The following PAPSS1 variants were observed in gnomAD, a reference collection of about 807,000 sequenced individuals.
PAPSS1 encodes bifunctional 3'-phosphoadenosine 5'-phosphosulfate synthase 1.
In PAPSS1, 50 loss-of-function variants were observed where a neutral mutation model predicts 72.0. That is an observed-to-expected ratio of 0.69 (90% CI 0.55 to 0.88). The LOEUF (loss-of-function observed/expected upper bound fraction) is 0.88, where lower values mean the gene tolerates loss of function less well. Among genes scored for constraint, PAPSS1 ranks in the 40% least tolerant of loss-of-function variants. The pLI, the probability that PAPSS1 is intolerant of heterozygous loss-of-function variation, is 0.00. For missense variants in PAPSS1, 657 were observed against 782.2 expected (o/e 0.84, Z 1.91); for synonymous variants, 261 against 263.6 (o/e 0.99, Z 0.09).
chr4:107,656,268 A>T (rs1035547621), intron 7 of PAPSS1, among the ~76,000 whole-genome samples: 4 of 151,892 alleles, frequency 2.6e-5, no homozygotes, highest in African/African-American at 9.7e-5. Flanking sequence ...GGCACACACC[A>T]CCACACCTAG....
intron 9 of PAPSS1, among the ~76,000 whole-genome samples, chr4:107,651,769 T>G (rs933372421): frequency 1.7e-4 from 26 of 152,164 alleles, no homozygotes; most frequent in Non-Finnish European, 1.5e-5. Context: ...AGATGAGATT[T>G]GGGAGGACAC....
At chr4:107,637,812 TA>T (rs1452278660) in intron 10 of PAPSS1, among the ~76,000 whole-genome samples, 1 of 152,236 alleles carries the variant, frequency 6.6e-6, no homozygotes, top group African/African-American at 2.4e-5. Flanking sequence ...GTTAATGCTA[TA>T]AAAATTCTTT....
chr4:107,621,747 AG>A (rs2110296420), intron 11 of PAPSS1, among the ~76,000 whole-genome samples: 1 of 149,314 alleles, frequency 6.7e-6, no homozygotes, highest in South Asian at 2.2e-4. Context: ...CAGCCTCCCG[AG>A]TAGCTGGGAC....
At position 107,644,886 on chromosome 4, in the gene PAPSS1, T is replaced by C. The variant is rs773921306; in HGVS notation, c.1422A>G (p.Ala474=). 3.1e-6 allele frequency: 5 copies of C among 1,613,908 alleles called. No individual in the cohort carries two copies. The highest frequency in any genetic ancestry group is 1.7e-6 in the Non-Finnish European group (2 of 1,179,924). The change falls in exon 10 of 12, where the codon GCA becomes GCG. Residue 474 remains alanine, a synonymous_variant. Transcript: ENST00000265174. ...GATTCAGAACTCCTTCCTCCAACAC[T>C]GCAGCATGCTGCTTCATACGCCACA... ...PLMWRMKQHA[A]VLEEGVLNPE...
intron 10 of PAPSS1, among the ~76,000 whole-genome samples, chr4:107,641,362 C>T (rs1487440489): frequency 1.3e-5 from 2 of 152,228 alleles, no homozygotes; most frequent in African/African-American, 4.8e-5. Context: ...CTTACCTCCA[C>T]CCTGTCCTTT....
chr4:107,625,879 CA>C (rs1726082088), intron 11 of PAPSS1, among the ~76,000 whole-genome samples: 2 of 152,046 alleles, frequency 1.3e-5, no homozygotes, highest in Non-Finnish European at 2.9e-5. Flanking sequence ...ACTAACAGTA[CA>C]TTATTTAAAG....
intron 5 of PAPSS1, among the ~76,000 whole-genome samples, chr4:107,662,226 T>G (rs1560576272): frequency 6.6e-6 from 1 of 152,200 alleles, no homozygotes; most frequent in African/African-American, 2.4e-5. Context: ...AAGCCTCTTG[T>G]CCCTCTAGGG....
At chr4:107,684,671 T>A (rs1324914164) in intron 4 of PAPSS1, among the ~76,000 whole-genome samples, 1 of 152,120 alleles carries the variant, frequency 6.6e-6, no homozygotes, top group Non-Finnish European at 1.5e-5. Context: ...CTCAACCAAT[T>A]GTCAACCAGA....
chr4:107,662,692 T>C (rs1727215377), intron 5 of PAPSS1, among the ~76,000 whole-genome samples: 1 of 152,128 alleles, frequency 6.6e-6, no homozygotes, highest in African/African-American at 2.4e-5. Flanking sequence ...TTTTAAATTA[T>C]AAAATAGCAG....
At chr4:107,661,488 T>C (rs1274847978) in intron 5 of PAPSS1, among the ~76,000 whole-genome samples, 1 of 152,142 alleles carries the variant, frequency 6.6e-6, no homozygotes, top group African/African-American at 2.4e-5. Flanking sequence ...ATCTAGACAA[T>C]GCTATATTAG....
chr4:107,690,177 T>C (rs17037996), intron 3 of PAPSS1, among the ~76,000 whole-genome samples: 8,782 of 152,224 alleles, frequency 0.058, 851 homozygotes, highest in African/African-American at 0.2. Flanking sequence ...ATCTCTGTTA[T>C]AATCTCAAAC....
At chr4:107,634,296 G>GT (rs1374835112) in intron 10 of PAPSS1, among the ~76,000 whole-genome samples, 2 of 152,114 alleles carry the variant, frequency 1.3e-5, no homozygotes, top group Admixed American at 6.5e-5. Flanking sequence ...GATTACAGGT[G>GT]TAAGCCACCG....
chr4:107,639,274 G>A (rs1274034707), intron 10 of PAPSS1, among the ~76,000 whole-genome samples: 2 of 152,126 alleles, frequency 1.3e-5, no homozygotes, highest in African/African-American at 4.8e-5. Flanking sequence ...TAAGCTAAAA[G>A]TATATAAAAC....
At chr4:107,635,927 A>G (rs979696274) in intron 10 of PAPSS1, among the ~76,000 whole-genome samples, 2 of 152,162 alleles carry the variant, frequency 1.3e-5, no homozygotes, top group South Asian at 4.1e-4. Flanking sequence ...TGGCTTAGTA[A>G]GTGTGCTTCT....
chr4:107,617,201 C>T (rs1026439608), intron 11 of PAPSS1, among the ~76,000 whole-genome samples: 1 of 145,808 alleles, frequency 6.9e-6, no homozygotes, highest in African/African-American at 2.5e-5. Flanking sequence ...TTATATGAGT[C>T]TTCGGCTTTT....
chr4:107,682,256 T>G lies in PAPSS1; in HGVS notation c.551-123A>C, dbSNP rs149472534. ...CGCTGTCCCCCAAGCCACAGGGCTA[T>G]AGTAATGAAGCATCTTTCTTGGGAG... is the stretch of plus-strand genomic sequence containing the variant. On this transcript the variant is annotated intron_variant, in intron 4 of 11. Transcript: ENST00000265174. 1.8e-3 allele frequency: 794 copies of G among 451,286 alleles called. 10 individuals carry two copies. Among genetic ancestry groups the G allele is most frequent in the African/African-American group, 0.014 (709 of 49,980 alleles). The allele number at this position is 451,286 out of a possible 1,614,324, so 28.0% of individuals were successfully genotyped here.
rs1362426850 is a variant in PAPSS1 at position 107,694,053 on chromosome 4, A to G, written c.176-47T>C. On this transcript the variant is annotated intron_variant, in intron 2 of 11. Coordinates refer to ENST00000265174, the MANE Select transcript of PAPSS1 (RefSeq NM_005443.5). ...AGATTCCATGTGTAAAGTTAGAAGGATAACTATGTAGTAATACTTTTTTTT... is the reference window on the plus strand; with the variant it reads ...AGATTCCATGTGTAAAGTTAGAAGGGTAACTATGTAGTAATACTTTTTTTT... 3 of 1,328,660 alleles carry G rather than the reference A, an allele frequency of 2.3e-6. No homozygotes were observed. In the South Asian group the frequency reaches 3.7e-5, roughly 16 times the overall value. 82.3% of individuals were successfully genotyped at this position (1,328,660 alleles called of 1,614,324 possible).
intron 2 of PAPSS1, among the ~76,000 whole-genome samples, chr4:107,696,824 G>A (rs2125934936): frequency 6.6e-6 from 1 of 152,198 alleles, no homozygotes; most frequent in South Asian, 2.1e-4. Flanking sequence ...CGATATTAAT[G>A]ACTGTAGCCA....
At chr4:107,625,030 G>A (rs1231775024) in intron 11 of PAPSS1, among the ~76,000 whole-genome samples, 2 of 152,204 alleles carry the variant, frequency 1.3e-5, no homozygotes, top group African/African-American at 2.4e-5. Flanking sequence ...GTTCTATATA[G>A]TGCGAATAAG....
Sources: allele counts gnomAD v4.1 joint callset (sites outside exome capture counted in the v4.1 genomes callset), GRCh38; gene constraint gnomAD v4.1.1; transcripts MANE v1.5; gene names NCBI Gene and HGNC (gene_info 2026-07-23, HGNC 2026-07-21).